MYT1L: variants seen among roughly 807,000 people sequenced by gnomAD.
MYT1L encodes myelin transcription factor 1 like, also known as myelin transcription factor 1-like protein.
In MYT1L, 12 loss-of-function variants were observed where a neutral mutation model predicts 126.7. The ratio of observed to expected loss-of-function variants is 0.09; its 90% confidence interval spans 0.06 to 0.15. The LOEUF (loss-of-function observed/expected upper bound fraction) is 0.15. MYT1L is among the 10% of genes least tolerant of loss of function. The pLI is 1.00. For missense variants in MYT1L, 979 were observed against 1,585.2 expected, an observed-to-expected ratio of 0.62 and a Z score of 6.49; for synonymous variants, 541 against 604.2, an observed-to-expected ratio of 0.90 and a Z score of 1.53.
At chr2:1,961,175 A>G (rs1200805251) in intron 8 of MYT1L, among the ~76,000 whole-genome samples, 5 of 152,218 alleles carry the variant, frequency 3.3e-5, no homozygotes, top group Admixed American at 1.3e-4. Context: ...TAATTTCTGA[A>G]ATAAAACAGC....
At chr2:1,975,279 C>G (rs2060084675) in intron 8 of MYT1L, among the ~76,000 whole-genome samples, 1 of 72,282 alleles carries the variant, frequency 1.4e-5, no homozygotes. Context: ...CCACAGCTTT[C>G]TGAGACCCAC....
At chr2:2,273,848 G>T (rs769166537) in intron 2 of MYT1L, among the ~76,000 whole-genome samples, 2 of 152,054 alleles carry the variant, frequency 1.3e-5, no homozygotes, top group African/African-American at 2.4e-5. Context: ...GCTTTTATCC[G>T]CCCACAAAAA....
intron 8 of MYT1L, among the ~76,000 whole-genome samples, chr2:1,961,508 A>G (rs2058957130): frequency 6.6e-6 from 1 of 152,172 alleles, no homozygotes; most frequent in Non-Finnish European, 1.5e-5. Flanking sequence ...CTCAGAACTG[A>G]CAGCACCTTT....
intron 1 of MYT1L, among the ~76,000 whole-genome samples, chr2:2,302,626 G>A (rs2095801464): frequency 6.6e-6 from 1 of 152,192 alleles, no homozygotes; most frequent in Non-Finnish European, 1.5e-5. Context: ...TCCGTCCCTA[G>A]AAAGATAGAC....
intron 4 of MYT1L, among the ~76,000 whole-genome samples, chr2:2,048,007 C>CACA (rs138093623): frequency 0.013 from 1,969 of 152,234 alleles, 39 homozygotes; most frequent in African/African-American, 0.046. Context: ...TGGGGCTGTC[C>CACA]ATAAACTGTG....
chr2:1,822,596 C>G (rs1004479816), intron 21 of MYT1L, among the ~76,000 whole-genome samples: 25 of 152,356 alleles, frequency 1.6e-4, no homozygotes, highest in Non-Finnish European at 3.2e-4. Flanking sequence ...GGCCTACAGC[C>G]TGTGTCCTTC....
chr2:2,288,159 A>G (rs1214903424), intron 1 of MYT1L, among the ~76,000 whole-genome samples: 2 of 152,222 alleles, frequency 1.3e-5, no homozygotes. Context: ...AGGAATTGTC[A>G]TTTAATCCTC....
intron 2 of MYT1L, among the ~76,000 whole-genome samples, chr2:2,267,520 T>C (rs991109218): frequency 6.6e-6 from 1 of 151,798 alleles, no homozygotes; most frequent in African/African-American, 2.4e-5. Context: ...TGAAACCTAA[T>C]AAAGGAATGG....
intron 18 of MYT1L, among the ~76,000 whole-genome samples, chr2:1,879,039 G>A (rs1397788838): frequency 6.6e-6 from 1 of 152,142 alleles, no homozygotes; most frequent in African/African-American, 2.4e-5. Flanking sequence ...CCCCTGGAAG[G>A]CCACAGATCA....
rs896374785 is a variant in MYT1L, at chr2:1,853,727, T to C, written c.2712-2024A>G. ...CTTTCTAATTCAAGTACATAGTGCA[T>C]GTTTATTTAAAATTTATTCATTTTA... On this transcript the variant is annotated intron_variant, in intron 18 of 24. Transcript: ENST00000647738. Among the ~76,000 whole-genome samples, 3 of 152,240 alleles carry C rather than the reference T, an allele frequency of 2.0e-5. No homozygotes were observed. In the East Asian group the frequency reaches 5.8e-4, roughly 29 times the overall value.
At chr2:2,140,432 C>CTTTTTTTTTTTTTT (rs35297300) in intron 3 of MYT1L, among the ~76,000 whole-genome samples, 6 of 112,970 alleles carry the variant, frequency 5.3e-5, no homozygotes, top group Admixed American at 9.2e-5. Flanking sequence ...CTTTCTTTTT[C>CTTTTTTTTTTTTTT]TTTTTTTTTT....
intron 4 of MYT1L, among the ~76,000 whole-genome samples, chr2:2,008,233 T>G (rs1004303174): frequency 1.5e-4 from 23 of 152,208 alleles, no homozygotes; most frequent in African/African-American, 5.3e-4. Flanking sequence ...TTCCTCAAAC[T>G]GTCCTTGAAA....
At chr2:2,149,373 T>G (rs2085380832) in intron 3 of MYT1L, among the ~76,000 whole-genome samples, 1 of 152,214 alleles carries the variant, frequency 6.6e-6, no homozygotes, top group South Asian at 2.1e-4. Flanking sequence ...TGCATATGTG[T>G]GCTGTGTTAG....
intron 18 of MYT1L, among the ~76,000 whole-genome samples, chr2:1,878,863 T>G (rs1218388155): frequency 6.6e-6 from 1 of 152,178 alleles, no homozygotes; most frequent in Non-Finnish European, 1.5e-5. Context: ...ACGAGATGTC[T>G]CCATCTCTCA....
intron 2 of MYT1L, among the ~76,000 whole-genome samples, chr2:2,194,154 G>T (rs986136225): frequency 1.3e-5 from 2 of 151,806 alleles, no homozygotes; most frequent in Non-Finnish European, 2.9e-5. Context: ...GTCATGGCTC[G>T]CTGCAGCCTT....
rs573807652 is a variant in MYT1L at position 1,928,994 on chromosome 2, G to A, written c.506-5731C>T. 3.9e-5 allele frequency among the ~76,000 whole-genome samples: 6 copies of A among 152,208 alleles called. No homozygotes were observed. In the South Asian group the frequency reaches 1.2e-3, roughly 32 times the overall value. ...TGCAGGGAGGGAACTGGGGGTACAG[G>A]ACAGGCCTGGACCCCCTGACTCTTA... is the stretch of plus-strand genomic sequence containing the variant. On this transcript the variant is annotated intron_variant, in intron 9 of 24. Coordinates refer to ENST00000647738, the MANE Select transcript of MYT1L (RefSeq NM_001303052.2).
At chr2:2,309,149 C>T (rs1401830947) in intron 1 of MYT1L, among the ~76,000 whole-genome samples, 1 of 151,752 alleles carries the variant, frequency 6.6e-6, no homozygotes, top group African/African-American at 2.4e-5. Context: ...CATACTCTGC[C>T]TACACTTCAG....
chr2:2,004,705 G>A (rs1234638283), intron 4 of MYT1L, among the ~76,000 whole-genome samples: 1 of 102,418 alleles, frequency 9.8e-6, no homozygotes, highest in Non-Finnish European at 1.9e-5. Flanking sequence ...TTTCCTGTGT[G>A]CCTTTCCTGC....
rs947729474 is a variant in MYT1L at position 1,882,672 on chromosome 2, C to G, written c.2711+3867G>C. On this transcript the variant is annotated intron_variant, in intron 18 of 24. Coordinates refer to ENST00000647738, the MANE Select transcript of MYT1L (RefSeq NM_001303052.2). The stretch of plus-strand genomic sequence containing the variant: ...AAGATTACCGAAATGAGGATTATTC[C>G]TAAGAACTTGGTGAGCAGTCAAAGC... Among the ~76,000 whole-genome samples, 11 of 152,262 alleles carry G rather than the reference C, an allele frequency of 7.2e-5. No homozygotes were observed. The East Asian group carries it at 1.2e-3, about 16-fold the overall frequency.
Sources: allele counts gnomAD v4.1 joint callset (sites outside exome capture counted in the v4.1 genomes callset), GRCh38; gene constraint gnomAD v4.1.1; transcripts MANE v1.5; gene names NCBI Gene and HGNC (gene_info 2026-07-23, HGNC 2026-07-21).